NSRP1: variants seen among roughly 807,000 people sequenced by gnomAD.
NSRP1 encodes coiled-coil domain containing 55.
Under a neutral mutation model 54.7 loss-of-function variants are expected in NSRP1, and 24 were observed. That is an observed-to-expected ratio of 0.44 (90% confidence interval 0.32 to 0.62). NSRP1 has a LOEUF of 0.62. Ranked by LOEUF, NSRP1 falls within the 20% of genes least tolerant of loss-of-function variation. The pLI is 0.06. For missense variants in NSRP1, 596 were observed against 651.2 expected, an observed-to-expected ratio of 0.92 and a Z score of 0.92; for synonymous variants, 210 against 213.8, an observed-to-expected ratio of 0.98 and a Z score of 0.15.
chr17:30,183,196 A>G (rs987121766), intron 6 of NSRP1, among the ~76,000 whole-genome samples: 5 of 150,882 alleles, frequency 3.3e-5, no homozygotes, highest in Non-Finnish European at 5.9e-5. Flanking sequence ...ATGTAGCTGA[A>G]GGTAAAAGAG....
At chr17:30,124,529 A>G (rs1475753920) in intron 2 of NSRP1, among the ~76,000 whole-genome samples, 2 of 152,186 alleles carry the variant, frequency 1.3e-5, no homozygotes, top group Non-Finnish European at 2.9e-5. Flanking sequence ...AATTGTTAAC[A>G]TAGGTGATGG....
chr17:30,181,425 G>A (rs549907373), intron 6 of NSRP1, among the ~76,000 whole-genome samples: 1 of 139,272 alleles, frequency 7.2e-6, no homozygotes, highest in Admixed American at 7.4e-5. Flanking sequence ...TTGAGGCAGA[G>A]TCTCACTCTG....
chr17:30,159,692 T>C (rs1209801643), intron 2 of NSRP1, among the ~76,000 whole-genome samples: 1 of 152,186 alleles, frequency 6.6e-6, no homozygotes, highest in Non-Finnish European at 1.5e-5. Flanking sequence ...GAAGTCTCAC[T>C]CTGTTGCCCA....
rs199925253 is a variant in NSRP1, at chr17:30,179,050, A to G, written c.301-40A>G. ...AAAAATTATAATATTAACAATTACT[A>G]TTTTTTTACTCTTTTCCTAAATCTT... is the stretch of plus-strand genomic sequence containing the variant. On this transcript the variant is annotated intron_variant, in intron 4 of 6. Transcript: ENST00000247026. 12 of 1,246,232 alleles carry G rather than the reference A, an allele frequency of 9.6e-6. No homozygotes were observed. The South Asian group carries it at 1.2e-4, about 12-fold the overall frequency. The allele number at this position is 1,246,232 out of a possible 1,614,324, so 77.2% of individuals were successfully genotyped here. A position where few individuals can be genotyped will look rare whatever the true frequency, so the allele number is the denominator to read the frequency against.
chr17:30,131,747 A>T (rs1399361516), intron 2 of NSRP1, among the ~76,000 whole-genome samples: 2 of 152,054 alleles, frequency 1.3e-5, no homozygotes, highest in Non-Finnish European at 2.9e-5. Flanking sequence ...AGTTTGCTGC[A>T]TTGATCGACT....
At chr17:30,177,106 C>T (rs1034666092) in intron 3 of NSRP1, among the ~76,000 whole-genome samples, 7 of 152,108 alleles carry the variant, frequency 4.6e-5, no homozygotes, top group African/African-American at 1.7e-4. Context: ...TGGTGGCTCA[C>T]GCATGTAATT....
intron 2 of NSRP1, among the ~76,000 whole-genome samples, chr17:30,146,259 T>C (rs886474065): frequency 2.0e-5 from 3 of 152,220 alleles, no homozygotes; most frequent in Non-Finnish European, 4.4e-5. Context: ...TTTATTGTTA[T>C]ATAGATAAAG....
intron 2 of NSRP1, chr17:30,156,675 A>C (rs2143005140): frequency 6.6e-6 from 1 of 152,128 alleles, no homozygotes; most frequent in Non-Finnish European, 1.5e-5. Flanking sequence ...ATGCACCACT[A>C]TGCCCAGCTA....
Position 30,184,746 on chromosome 17 carries a change from T to A in NSRP1, c.749T>A (p.Phe250Tyr), listed in dbSNP as rs1442542729. ...GAAAACCCAGATGCAGACAGTGACT[T>A]CGATGCTAAGAGCAGTGCGGATGAT... ...VEENPDADSD[F>Y]DAKSSADDEI... is the part of the protein sequence containing the mutation. Residue 250 changes from phenylalanine (F) to tyrosine (Y), a missense_variant, in exon 7 of 7, where the codon TTC becomes TAC. Transcript: ENST00000247026. The A allele has an allele frequency of 6.2e-7, 1 of 1,614,048 alleles. No individual in the cohort carries two copies. The highest frequency in any genetic ancestry group is 2.2e-5 in the East Asian group (1 of 44,882).
chr17:30,133,430 T>C (rs535927712), intron 2 of NSRP1, among the ~76,000 whole-genome samples: 1 of 152,314 alleles, frequency 6.6e-6, no homozygotes, highest in East Asian at 1.9e-4. Context: ...ATCTTTTTTT[T>C]CAAGCAGTGG....
intron 3 of NSRP1, among the ~76,000 whole-genome samples, chr17:30,174,397 C>A (rs761949107): frequency 6.6e-6 from 1 of 152,104 alleles, no homozygotes; most frequent in African/African-American, 2.4e-5. Context: ...TTTATCCATA[C>A]GAATTGAAAT....
rs570187351 is a variant in NSRP1, at chr17:30,155,709, T to C, written c.115-16833T>C. Among the ~76,000 whole-genome samples, 10 of 152,158 alleles carry C rather than the reference T, an allele frequency of 6.6e-5. 1 individual carries two copies. The South Asian group carries it at 2.1e-3, about 32-fold the overall frequency. ...TACAGACGTACACCATCGTGTGGCT[T>C]TTTTCTTTTTTTAAGCATTTTACCC... is the stretch of plus-strand genomic sequence containing the variant. On this transcript the variant is annotated intron_variant, in intron 2 of 6. Transcript: ENST00000247026.
chr17:30,163,004 T>TTA (rs1177650002), intron 2 of NSRP1: 1 of 151,758 alleles, frequency 6.6e-6, no homozygotes, highest in Non-Finnish European at 1.5e-5. Flanking sequence ...CTCAGCCTCC[T>TTA]GAGTAGCTGG....
intron 2 of NSRP1, among the ~76,000 whole-genome samples, chr17:30,154,074 T>C (rs1166555074): frequency 6.6e-6 from 1 of 151,066 alleles, no homozygotes. Context: ...CTCAGCACTT[T>C]GGGAGGCCGA....
At chr17:30,179,679 T>C (rs1425932671) in intron 5 of NSRP1, among the ~76,000 whole-genome samples, 1 of 152,032 alleles carries the variant, frequency 6.6e-6, no homozygotes, top group Non-Finnish European at 1.5e-5. Context: ...GAGAAAATAA[T>C]AGAGTAACAC....
chr17:30,122,349 T>TGTGTGTGTGTATGTA (rs1481107161), intron 2 of NSRP1: 1 of 72,306 alleles, frequency 1.4e-5, no homozygotes, highest in African/African-American at 5.7e-5. Context: ...ATAACTCTGG[T>TGTGTGTGTGTATGTA]TTCATATATA....
At chr17:30,178,389 T>C (rs148615747) in intron 4 of NSRP1, among the ~76,000 whole-genome samples, 190 bp downstream of exon 4, 1 of 152,278 alleles carries the variant, frequency 6.6e-6, no homozygotes, top group Non-Finnish European at 1.5e-5. Context: ...ATAGGCCAGG[T>C]GAATTATCTA....
At chr17:30,150,310 A>T (rs188357865) in intron 2 of NSRP1, 189 of 151,850 alleles carry the variant, frequency 1.2e-3, no homozygotes, top group African/African-American at 4.4e-3. Flanking sequence ...TGAACTCCTG[A>T]CCTTGTGATC....
At chr17:30,129,021 G>C (rs970072501) in intron 2 of NSRP1, among the ~76,000 whole-genome samples, 4 of 150,968 alleles carry the variant, frequency 2.6e-5, no homozygotes, top group African/African-American at 9.7e-5. Context: ...GTGTCCCCAA[G>C]TGCTGGGATT....
Sources: allele counts gnomAD v4.1 joint callset (sites outside exome capture counted in the v4.1 genomes callset), GRCh38; gene constraint gnomAD v4.1.1; transcripts MANE v1.5; gene names NCBI Gene and HGNC (gene_info 2026-07-23, HGNC 2026-07-21).